Variants in SOX5 observed in about 807,000 individuals in gnomAD.
The protein encoded by SOX5 is transcription factor SOX-5.
In SOX5, 9 loss-of-function variants were observed where a neutral mutation model predicts 92.0. That is an observed-to-expected ratio of 0.10 (90% CI 0.06 to 0.17). SOX5 has a LOEUF of 0.17. Ranked by LOEUF, SOX5 falls within the 10% of genes least tolerant of loss-of-function variation. The probability of loss-of-function intolerance (pLI) is 1.00; values close to 1 mark genes in which losing one functional copy is unlikely to be tolerated. For missense variants in SOX5, 642 were observed against 944.5 expected (o/e 0.68, Z 4.20); for synonymous variants, 344 against 336.3 (o/e 1.02, Z -0.25).
intron 4 of SOX5, among the ~76,000 whole-genome samples, chr12:24,008,726 T>G (rs906572709): frequency 6.6e-6 from 1 of 152,146 alleles, no homozygotes; most frequent in African/African-American, 2.4e-5. Context: ...AAAGAAGTTC[T>G]CTCCCAAAAG....
chr12:23,557,194 G>A (rs1424356592), intron 11 of SOX5, among the ~76,000 whole-genome samples: 1 of 152,142 alleles, frequency 6.6e-6, no homozygotes, highest in Middle Eastern at 3.2e-3. Flanking sequence ...AGCCTATATA[G>A]TCTGTGGTAA....
At chr12:24,383,186 G>T (rs1260076264) in intron 1 of SOX5, among the ~76,000 whole-genome samples, 1 of 152,130 alleles carries the variant, frequency 6.6e-6, no homozygotes, top group African/African-American at 2.4e-5. Context: ...CCTAACAGCT[G>T]GGATTATAGG....
At chr12:23,755,859 T>C (rs914266274) in intron 3 of SOX5, 135 bp from the exon 4 acceptor site, 28 of 546,460 alleles carry the variant, frequency 5.1e-5, no homozygotes, top group Non-Finnish European at 8.0e-5. Flanking sequence ...AAAAAACTGA[T>C]AACAGGGGTG....
intron 1 of SOX5, among the ~76,000 whole-genome samples, chr12:24,502,638 G>GTGCT (rs1948331006): frequency 6.6e-6 from 1 of 152,110 alleles, no homozygotes; most frequent in South Asian, 2.1e-4. Context: ...CTACCAACGG[G>GTGCT]TGCTAAAATT....
chr12:23,864,616 C>A (rs1453207123), intron 2 of SOX5, among the ~76,000 whole-genome samples: 1 of 152,136 alleles, frequency 6.6e-6, no homozygotes, highest in African/African-American at 2.4e-5. Context: ...AGAGCAGCCA[C>A]AAAATTCATT....
At chr12:23,593,025 G>A (rs2137172909) in intron 9 of SOX5, among the ~76,000 whole-genome samples, 1 of 152,228 alleles carries the variant, frequency 6.6e-6, no homozygotes, top group African/African-American at 2.4e-5. Flanking sequence ...GTTGCAGTGA[G>A]CCAAGATCGC....
intron 6 of SOX5, among the ~76,000 whole-genome samples, chr12:23,724,548 C>A (rs1260267028): frequency 1.3e-5 from 2 of 151,990 alleles, no homozygotes; most frequent in Non-Finnish European, 2.9e-5. Context: ...GTTTACAAAT[C>A]CTAAGATTAC....
At chr12:23,826,418 T>G (rs11047119) in intron 3 of SOX5, among the ~76,000 whole-genome samples, 1 of 152,036 alleles carries the variant, frequency 6.6e-6, no homozygotes, top group African/African-American at 2.4e-5. Context: ...CCAGAACAAG[T>G]ATGGCTATAG....
intron 8 of SOX5, among the ~76,000 whole-genome samples, chr12:23,637,259 C>G (rs7135538): frequency 1.5e-4 from 23 of 152,312 alleles, no homozygotes; most frequent in African/African-American, 5.5e-4. Context: ...CTCAACCCAT[C>G]TTACTGCTGC....
At position 23,979,707 on chromosome 12, in the gene SOX5, GT is replaced by G. The variant is rs1177945407; in HGVS notation, c.-1-83684del. On this transcript the variant is annotated intron_variant, in intron 4 of 4. Coordinates refer to the SOX5 transcript ENST00000446891. ...CCATATATATATATATGTTTTTTTT[GT>G]TTTTTTTTTTTTTTTTTTTTTTTTT... Among the ~76,000 whole-genome samples, 66 of 77,480 alleles carry G rather than the reference GT, an allele frequency of 8.5e-4. 1 individual carries two copies. The highest frequency in any genetic ancestry group is 1.4e-3 in the African/African-American group (26 of 18,100). 50.8% of individuals were successfully genotyped at this position (77,480 alleles called of 152,430 possible).
intron 1 of SOX5, among the ~76,000 whole-genome samples, chr12:23,915,142 T>C (rs2097399384): frequency 6.6e-6 from 1 of 152,120 alleles, no homozygotes; most frequent in South Asian, 2.1e-4. Context: ...ACATAAGTAG[T>C]ACATTATTTA....
intron 4 of SOX5, among the ~76,000 whole-genome samples, chr12:24,039,184 T>C (rs1024998094): frequency 2.0e-5 from 3 of 152,168 alleles, no homozygotes; most frequent in Admixed American, 2.0e-4. Context: ...CCAACACATG[T>C]GAGTCACTTA....
rs73285528 is a variant in SOX5, at chr12:24,448,754, A to G, written c.-250-80115T>C. Among the ~76,000 whole-genome samples the G allele has an allele frequency of 1.8e-3, 275 of 152,176 alleles. 1 individual carries two copies. The highest frequency in any genetic ancestry group is 6.4e-3 in the African/African-American group (265 of 41,510). ...TAGACCTTTTTAACTACGTTATTGG[A>G]ATAATGTGGAGTAATATACCCCTAT... On this transcript the variant is annotated intron_variant, in intron 1 of 4. Transcript: ENST00000446891.
intron 4 of SOX5, among the ~76,000 whole-genome samples, chr12:24,136,075 A>T (rs935087428): frequency 6.6e-6 from 1 of 152,208 alleles, no homozygotes; most frequent in Non-Finnish European, 1.5e-5. Context: ...GAGATGGGTT[A>T]AGGGTTTGAA....
intron 4 of SOX5, among the ~76,000 whole-genome samples, chr12:24,157,832 C>A (rs78136395): frequency 6.6e-6 from 1 of 152,018 alleles, no homozygotes; most frequent in African/African-American, 2.4e-5. Context: ...AATAACATGG[C>A]GCCGCACATG....
At chr12:23,867,616 T>C (rs2096828584) in intron 2 of SOX5, among the ~76,000 whole-genome samples, 1 of 151,806 alleles carries the variant, frequency 6.6e-6, no homozygotes. Context: ...TACCCCAAAT[T>C]AAAAAAATCT....
At chr12:24,164,453 T>C (rs1171259795) in intron 4 of SOX5, among the ~76,000 whole-genome samples, 1 of 152,078 alleles carries the variant, frequency 6.6e-6, no homozygotes, top group Non-Finnish European at 1.5e-5. Flanking sequence ...ATTTAACTTA[T>C]TTACCAAGGA....
At chr12:23,989,779 G>A (rs1950389593) in intron 4 of SOX5, among the ~76,000 whole-genome samples, 1 of 152,048 alleles carries the variant, frequency 6.6e-6, no homozygotes, top group Admixed American at 6.6e-5. Context: ...GTCCAACCAT[G>A]GTGGCACCCT....
At chr12:23,918,507 G>A (rs2097442876) in intron 1 of SOX5, among the ~76,000 whole-genome samples, 1 of 152,190 alleles carries the variant, frequency 6.6e-6, no homozygotes, top group South Asian at 2.1e-4. Flanking sequence ...CTCAGGTAAT[G>A]AATATGGTTC....
Sources: gnomAD v4.1 joint callset for allele counts (sites outside exome capture counted in the v4.1 genomes callset) on GRCh38, gnomAD v4.1.1 for gene constraint, MANE v1.5 for transcripts, NCBI Gene and HGNC (gene_info 2026-07-23, HGNC 2026-07-21) for gene names.